ANPEP: variants seen among roughly 807,000 people sequenced by gnomAD.
ANPEP encodes alanyl aminopeptidase, membrane.
ANPEP carries 70 observed loss-of-function variants against 114.6 expected under a neutral mutation model. The ratio of observed to expected loss-of-function variants is 0.61; its 90% CI spans 0.50 to 0.75. ANPEP has a LOEUF of 0.75. Ranked by LOEUF, ANPEP falls within the 30% of genes least tolerant of loss-of-function variation. The probability of loss-of-function intolerance (pLI) is 0.00; values close to 1 mark genes in which losing one functional copy is unlikely to be tolerated. For missense variants in ANPEP, 1,184 were observed against 1,259.5 expected (o/e 0.94, Z 0.91); for synonymous variants, 548 against 522.3 (o/e 1.05, Z -0.67).
Position 89,813,995 on chromosome 15 carries a change from G to GGGGGC in ANPEP, c.-224+776_-224+777insGCCCC, listed in dbSNP as rs1555442953. Among the ~76,000 whole-genome samples, 52 of 146,218 alleles carry GGGGGC rather than the reference G, an allele frequency of 3.6e-4. 4 individuals are homozygous for GGGGGC. The South Asian group carries it at 7.3e-3, about 20-fold the overall frequency. Reference sequence around the variant, plus strand: ...CGTCCCTGCCCACCGCACTGCTGGGGGGGGGGGGTGCGTTCTGGAGTCATT... The same window carrying GGGGGC: ...CGTCCCTGCCCACCGCACTGCTGGGGGGGGCGGGGGGGGTGCGTTCTGGAGTCATT... On this transcript the variant is annotated intron_variant, in intron 1 of 20. Coordinates refer to ENST00000300060, the MANE Select transcript of ANPEP (RefSeq NM_001150.3).
intron 14 of ANPEP, among the ~76,000 whole-genome samples, chr15:89,798,289 C>A (rs1281576103): frequency 6.6e-6 from 1 of 152,178 alleles, no homozygotes; most frequent in African/African-American, 2.4e-5. Flanking sequence ...CTGCCCTGTC[C>A]AGCCCAGATT....
At chr15:89,808,242 T>C (rs1894758712) in intron 1 of ANPEP, among the ~76,000 whole-genome samples, 1 of 152,146 alleles carries the variant, frequency 6.6e-6, no homozygotes, top group Non-Finnish European at 1.5e-5. Context: ...CTCTTCCCTA[T>C]TGCCTTGGTT....
chr15:89,790,320 A>G (rs982235853), intron 20 of ANPEP, 140 bp downstream of exon 20: 3 of 661,752 alleles, frequency 4.5e-6, no homozygotes, highest in African/African-American at 1.8e-5. Flanking sequence ...AAGTCTGGCT[A>G]CTCGGCTTCC....
In ANPEP at chr15:89,790,502, C is replaced by T. The variant is rs764473840; in HGVS notation, c.2709G>A (p.Gln903=). The T allele has an allele frequency of 6.2e-7, 1 of 1,614,022 alleles. No individual in the cohort carries two copies. ...GGSFSFSNLI[Q]AVTRRFSTEY... is the part of the protein sequence containing the mutation. ...CGGTGGAGAATCGTCGTGTCACTGC[C>T]TGGATGAGGTTGGAGAAGGAGAACG... The change falls in exon 20 of 21, where the codon CAG becomes CAA. Residue 903 remains glutamine, a synonymous_variant. Coordinates refer to ENST00000300060, the MANE Select transcript of ANPEP (RefSeq NM_001150.3).
At chr15:89,814,590 A>G (rs1360672344) in intron 1 of ANPEP, among the ~76,000 whole-genome samples, 182 bp downstream of exon 1, 2 of 152,168 alleles carry the variant, frequency 1.3e-5, no homozygotes, top group Non-Finnish European at 2.9e-5. Context: ...AGCTCGGCCA[A>G]AAGAATTCTT....
intron 15 of ANPEP, among the ~76,000 whole-genome samples, chr15:89,796,257 TG>T: frequency 6.6e-6 from 1 of 152,372 alleles, no homozygotes; most frequent in East Asian, 1.9e-4. Flanking sequence ...GTGATACATT[TG>T]TAACTGTGTA....
chr15:89,804,510 G>A lies in ANPEP; in HGVS notation c.1005C>T (p.Pro335=), dbSNP rs755924325. Residue 335 remains proline, a synonymous_variant, in exon 5 of 21, where the codon CCC becomes CCT. Transcript: ENST00000300060. ...LNFFAGHYDT[P]YPLPKSDQIG... is the part of the protein sequence containing the mutation. The stretch of plus-strand genomic sequence containing the variant: ...ACTCACCTGATTTTGGGAGTGGGTA[G>A]GGTGTGTCATAATGACCAGCAAAGA... The A allele has an allele frequency of 1.2e-6, 2 of 1,614,122 alleles. No homozygotes were observed. Among genetic ancestry groups the A allele is most frequent in the Admixed American group, 1.7e-5 (1 of 60,012 alleles).
Position 89,803,171 on chromosome 15 carries a change from G to A in ANPEP, c.1569+68C>T, listed in dbSNP as rs1432769636. ...GGACCCATTCTCTTACGCATGTGCT[G>A]CCCCCAGGTACCTTCAGCATCTCAA... On this transcript the variant is annotated intron_variant, in intron 10 of 20. Transcript: ENST00000300060. The surrounding 1 kb of genome is among the most constrained non-coding windows in gnomAD (Gnocchi z 4.2). 2.0e-6 allele frequency: 3 copies of A among 1,537,314 alleles called. No homozygotes were observed. The highest frequency in any genetic ancestry group is 3.3e-5 in the Admixed American group (2 of 59,880).
rs564738766 is a variant in ANPEP, at chr15:89,813,996, G to C, written c.-224+776C>G. Among the ~76,000 whole-genome samples the C allele has an allele frequency of 1.5e-4, 22 of 145,176 alleles. 1 individual carries two copies. Among genetic ancestry groups the C allele is most frequent in the East Asian group, 4.0e-4 (2 of 5,058 alleles). ...GTCCCTGCCCACCGCACTGCTGGGG[G>C]GGGGGGGTGCGTTCTGGAGTCATTT... On this transcript the variant is annotated intron_variant, in intron 1 of 20. Coordinates refer to ENST00000300060, the MANE Select transcript of ANPEP (RefSeq NM_001150.3).
In ANPEP at chr15:89,806,225, A is replaced by G. The variant is rs1894709679; in HGVS notation, c.359T>C (p.Ile120Thr). ...RFTCKEATDV[I>T]IIHSKKLNYT... ...GTTGAGCTTCTTGCTGTGGATGATG[A>G]TGACGTCAGTGGCCTCCTTGCAGGT... The change falls in exon 2 of 21, where the codon ATC becomes ACC. Residue 120 changes from isoleucine (I) to threonine (T), a missense_variant. Ile to Thr is a moderately conservative substitution (Grantham distance 89, BLOSUM62 -1). Coordinates refer to ENST00000300060, the MANE Select transcript of ANPEP (RefSeq NM_001150.3). The surrounding 1 kb of genome is among the most constrained non-coding windows in gnomAD (Gnocchi z 5.7). 2 of 1,613,974 alleles carry G rather than the reference A, an allele frequency of 1.2e-6. No individual in the cohort carries two copies.
At chr15:89,793,702 CAA>C (rs56906048) in intron 15 of ANPEP, among the ~76,000 whole-genome samples, 71 of 79,148 alleles carry the variant, frequency 9.0e-4, no homozygotes, top group African/African-American at 2.4e-3. Context: ...GACTCCATCT[CAA>C]AAAAAAAAAA....
At position 89,806,048 on chromosome 15, in the gene ANPEP, T is replaced by G. The variant is rs147870602; in HGVS notation, c.536A>C (p.Asp179Ala). The G allele has an allele frequency of 1.2e-6, 2 of 1,613,284 alleles. No individual in the cohort carries two copies. The highest frequency in any genetic ancestry group is 1.7e-6 in the Non-Finnish European group (2 of 1,179,394). Residue 179 changes from aspartate (D) to alanine (A), a missense_variant, in exon 2 of 21, where the codon GAC becomes GCC. Physicochemically the swap from Asp to Ala is moderately radical, Grantham distance 126 (BLOSUM62 -2). Coordinates refer to ENST00000300060, the MANE Select transcript of ANPEP (RefSeq NM_001150.3). This position sits in a 1 kb window ranked among gnomAD's most constrained non-coding sequence, Gnocchi z 5.7. ...SLVKDSQYEM[D>A]SEFEGELADD... is the part of the protein sequence containing the mutation. ...TGCCAACTCCCCCTCGAACTCGCTG[T>G]CCATCTCATACTGGCTGTCCTTCAC...
intron 1 of ANPEP, among the ~76,000 whole-genome samples, chr15:89,811,571 G>A (rs990405603): frequency 2.0e-5 from 3 of 151,706 alleles, no homozygotes; most frequent in Non-Finnish European, 2.9e-5. Flanking sequence ...GCATGAACCC[G>A]GGAGGCGGAG....
chr15:89,791,242 C>T (rs1436456558), intron 18 of ANPEP, 149 bp from the exon 19 acceptor site: 1 of 861,852 alleles, frequency 1.2e-6, no homozygotes. Context: ...TCCTTCTTCC[C>T]TCTATAGATG....
At chr15:89,800,166 G>A (rs1894559332) in intron 12 of ANPEP, among the ~76,000 whole-genome samples, 1 of 152,056 alleles carries the variant, frequency 6.6e-6, no homozygotes, top group Non-Finnish European at 1.5e-5. Flanking sequence ...GCTACACTCA[G>A]TCCCCACACT....
chr15:89,792,424 G>A, intron 17 of ANPEP, 28 bp downstream of exon 17: 1 of 1,613,132 alleles, frequency 6.2e-7, no homozygotes, highest in East Asian at 2.2e-5. Context: ...ATGAAGACTG[G>A]CAGAGGAGGC....
rs776271219 is a variant in ANPEP at position 89,793,028 on chromosome 15, C to T, written c.2249+7G>A. ...GGACTTCCAAACCCATGAGAGCTCC[C>T]ACTCACTGGTCCATCAGGTTTTCTG... On this transcript the variant is annotated splice_region_variant and intron_variant, in intron 16 of 20. Coordinates refer to ENST00000300060, the MANE Select transcript of ANPEP (RefSeq NM_001150.3). 3 of 1,612,650 alleles carry T rather than the reference C, an allele frequency of 1.9e-6. No homozygotes were observed. The highest frequency in any genetic ancestry group is 2.5e-6 in the Non-Finnish European group (3 of 1,178,692).
chr15:89,790,566 T>A (rs1020943954), intron 19 of ANPEP, 25 bp from the exon 20 acceptor site: 2 of 1,600,410 alleles, frequency 1.2e-6, no homozygotes, highest in Non-Finnish European at 8.6e-7. Context: ...AGAGGTGAAC[T>A]GTGAGGGAGG....
intron 15 of ANPEP, 86 bp from the exon 16 acceptor site, chr15:89,793,212 G>A (rs1211516094): frequency 1.6e-6 from 2 of 1,238,186 alleles, no homozygotes; most frequent in Non-Finnish European, 2.3e-6. Context: ...TGGGGGGCAG[G>A]CGCTGGCAGA....
Sources: allele counts gnomAD v4.1 joint callset (sites outside exome capture counted in the v4.1 genomes callset), GRCh38; gene constraint gnomAD v4.1.1; non-coding constraint Gnocchi (gnomAD v3.1); transcripts MANE v1.5; gene names NCBI Gene and HGNC (gene_info 2026-07-23, HGNC 2026-07-21).